Variants in KLRG1 observed in about 807,000 individuals in gnomAD.
The protein encoded by KLRG1 is killer cell lectin like receptor G1, also known as killer cell lectin-like receptor subfamily G member 1.
Under a neutral mutation model 21.8 loss-of-function variants are expected in KLRG1, and 16 were observed. That is an observed-to-expected ratio of 0.73 (90% confidence interval 0.50 to 1.11). The LOEUF (loss-of-function observed/expected upper bound fraction) is 1.11, where lower values mean the gene tolerates loss of function less well. Among genes scored for constraint, KLRG1 ranks in the 50% most tolerant of loss-of-function variants. The probability of loss-of-function intolerance (pLI) is 0.00; values close to 1 mark genes in which losing one functional copy is unlikely to be tolerated. For missense variants in KLRG1, 173 were observed against 218.3 expected, an observed-to-expected ratio of 0.79 and a Z score of 1.31; for synonymous variants, 69 against 75.9, an observed-to-expected ratio of 0.91 and a Z score of 0.47.
the KLRG1 span, among the ~76,000 whole-genome samples, chr12:9,019,519 A>G: frequency 6.6e-6 from 1 of 152,218 alleles, no homozygotes; most frequent in African/African-American, 2.4e-5. Context: ...TCAGCAATCT[A>G]AGTGTCAATG....
At chr12:9,159,036 C>T in the KLRG1 span, among the ~76,000 whole-genome samples, 1 of 151,892 alleles carries the variant, frequency 6.6e-6, no homozygotes, top group African/African-American at 2.4e-5. Flanking sequence ...CACTTTTTTC[C>T]CCTGTGTTTG....
chr12:9,108,415 C>T, the KLRG1 span, among the ~76,000 whole-genome samples: 1 of 152,168 alleles, frequency 6.6e-6, no homozygotes, highest in African/African-American at 2.4e-5. Context: ...CGTGAGCCAC[C>T]ACGCCGGGCC....
chr12:8,979,722 C>A (rs1946723914), intron 1 of KLRG1, among the ~76,000 whole-genome samples: 1 of 152,232 alleles, frequency 6.6e-6, no homozygotes, highest in East Asian at 1.9e-4. Context: ...TCATGTCTCC[C>A]AAATCCTGGA....
chr12:9,054,086 A>C, the KLRG1 span, among the ~76,000 whole-genome samples: 2 of 151,844 alleles, frequency 1.3e-5, no homozygotes, highest in African/African-American at 4.8e-5. Flanking sequence ...TCTGCTACAA[A>C]CCCTGCTGTC....
the KLRG1 span, chr12:9,148,725 A>G: frequency 2.3e-6 from 1 of 435,352 alleles, no homozygotes; most frequent in Non-Finnish European, 4.0e-6. Flanking sequence ...CTGCTTTCCT[A>G]CTAGAATGCT....
chr12:9,134,578 CT>C, the KLRG1 span, among the ~76,000 whole-genome samples: 1 of 152,206 alleles, frequency 6.6e-6, no homozygotes, highest in African/African-American at 2.4e-5. Context: ...CCCGTTCCCT[CT>C]TCAGTTTAGC....
chr12:9,089,474 C>T, the KLRG1 span, among the ~76,000 whole-genome samples: 2 of 152,208 alleles, frequency 1.3e-5, no homozygotes, highest in Admixed American at 1.3e-4. Context: ...TGCATGGTGG[C>T]TCACACCTAT....
the KLRG1 span, among the ~76,000 whole-genome samples, chr12:9,024,274 A>G: frequency 1.3e-5 from 2 of 151,506 alleles, no homozygotes; most frequent in Admixed American, 6.6e-5. Context: ...TGATCCGCCC[A>G]CCTCAGCCTT....
the KLRG1 span, among the ~76,000 whole-genome samples, chr12:9,145,445 T>G: frequency 1.3e-5 from 2 of 152,206 alleles, no homozygotes; most frequent in African/African-American, 2.4e-5. Flanking sequence ...ACAAAAACTT[T>G]GCCCTTTATC....
At chr12:9,208,514 C>T in the KLRG1 span, 1 of 562,922 alleles carries the variant, frequency 1.8e-6, no homozygotes, top group African/African-American at 1.9e-5. Context: ...TCATTACTCT[C>T]AGTGGTTGCC....
the KLRG1 span, among the ~76,000 whole-genome samples, chr12:9,159,569 G>T: frequency 1.3e-5 from 2 of 152,042 alleles, no homozygotes. Context: ...GGGCTATCAT[G>T]ACAGTTGGAC....
chr12:9,076,151 A>G, the KLRG1 span, among the ~76,000 whole-genome samples: 1 of 152,334 alleles, frequency 6.6e-6, no homozygotes, highest in African/African-American at 2.4e-5. Flanking sequence ...AGTTACTTCC[A>G]TGATTATTTT....
At chr12:9,180,297 T>G in the KLRG1 span, among the ~76,000 whole-genome samples, 1 of 152,126 alleles carries the variant, frequency 6.6e-6, no homozygotes, top group African/African-American at 2.4e-5. Context: ...TGGAAAAAAC[T>G]ACTTTAAAGT....
At chr12:9,184,875 T>A in the KLRG1 span, among the ~76,000 whole-genome samples, 1 of 152,166 alleles carries the variant, frequency 6.6e-6, no homozygotes, top group African/African-American at 2.4e-5. Flanking sequence ...GAACTCACCT[T>A]ATACCACAAT....
chr12:8,950,061 T>G (rs1466385576), exon 1 of KLRG1: 1 of 152,110 alleles, frequency 6.6e-6, no homozygotes, highest in Admixed American at 6.5e-5. Context: ...ACGCTAGGTC[T>G]CCTCCGGGCG....
At chr12:9,159,712 G>A in the KLRG1 span, among the ~76,000 whole-genome samples, 18 of 151,624 alleles carry the variant, frequency 1.2e-4, no homozygotes, top group Non-Finnish European at 1.8e-4. Flanking sequence ...CTGCATCACC[G>A]TGGGACTCCT....
chr12:9,031,995 C>T, the KLRG1 span, among the ~76,000 whole-genome samples: 1 of 152,148 alleles, frequency 6.6e-6, no homozygotes, highest in African/African-American at 2.4e-5. Flanking sequence ...CTACTCAGTC[C>T]ACTAATTTAA....
At chr12:8,966,367 A>G (rs1233360663) in intron 1 of KLRG1, among the ~76,000 whole-genome samples, 1 of 152,152 alleles carries the variant, frequency 6.6e-6, no homozygotes, top group East Asian at 1.9e-4. Flanking sequence ...GAGCTTCTGC[A>G]CAGCAAAAGA....
At chr12:9,044,237 G>A in the KLRG1 span, among the ~76,000 whole-genome samples, 9 of 152,106 alleles carry the variant, frequency 5.9e-5, no homozygotes, top group South Asian at 2.1e-4. Context: ...AAAAAGAAAC[G>A]CATGCAAATT....
Sources: gnomAD v4.1 joint callset for allele counts (sites outside exome capture counted in the v4.1 genomes callset) on GRCh38, gnomAD v4.1.1 for gene constraint, MANE v1.5 for transcripts, NCBI Gene and HGNC (gene_info 2026-07-23, HGNC 2026-07-21) for gene names.